The following SDK1 variants were observed in gnomAD, a reference collection of about 807,000 sequenced individuals.
SDK1 encodes the protein protein sidekick-1.
A neutral mutation model predicts 245.5 loss-of-function variants in SDK1; 157 were observed. The observed-to-expected ratio is 0.64, with a 90% confidence interval of 0.56 to 0.73. SDK1 has a LOEUF of 0.73. Ranked by LOEUF, SDK1 falls within the 30% of genes least tolerant of loss-of-function variation. The pLI, the probability that SDK1 is intolerant of heterozygous loss-of-function variation, is 0.00. For synonymous variants in SDK1, 1,647 were observed against 1,278.5 expected, an observed-to-expected ratio of 1.29 and a Z score of -6.15; for missense variants, 3,583 against 3,002.3, an observed-to-expected ratio of 1.19 and a Z score of -4.52.
rs570610265 is a variant in SDK1 at position 3,998,420 on chromosome 7, G to A, written c.2131+11098G>A. Among the ~76,000 whole-genome samples the A allele has an allele frequency of 3.9e-4, 59 of 152,258 alleles. 1 individual carries two copies. Among genetic ancestry groups the A allele is most frequent in the Middle Eastern group, 6.8e-3 (2 of 294 alleles). On this transcript the variant is annotated intron_variant, in intron 14 of 44. Transcript: ENST00000404826. ...CATTCCTTCCATTCCCACTTCTTAGGATTTTTTAAAATTATGTAGGAAAAT... is the reference window on the plus strand; with the variant it reads ...CATTCCTTCCATTCCCACTTCTTAGAATTTTTTAAAATTATGTAGGAAAAT...
intron 44 of SDK1, among the ~76,000 whole-genome samples, chr7:4,250,166 G>T (rs1445333255): frequency 6.6e-6 from 1 of 152,102 alleles, no homozygotes; most frequent in Non-Finnish European, 1.5e-5. Context: ...TTTGTGACTG[G>T]CTTCTTTCCC....
chr7:3,851,794 G>A (rs1008040283), intron 5 of SDK1, among the ~76,000 whole-genome samples: 3 of 152,068 alleles, frequency 2.0e-5, no homozygotes, highest in Non-Finnish European at 2.9e-5. Flanking sequence ...GAAGCTAAGC[G>A]GCTAAATAGC....
chr7:3,862,138 C>G (rs369628049), intron 5 of SDK1, among the ~76,000 whole-genome samples: 3 of 152,240 alleles, frequency 2.0e-5, no homozygotes, highest in Non-Finnish European at 2.9e-5. Context: ...CATCTACTTA[C>G]GCAATGCTTA....
chr7:4,187,946 G>A (rs1379890549), intron 35 of SDK1, among the ~76,000 whole-genome samples: 2 of 145,500 alleles, frequency 1.4e-5, no homozygotes, highest in Non-Finnish European at 3.1e-5. Flanking sequence ...CCAGTTCCAC[G>A]TGGCTGGGGA....
chr7:3,685,590 G>C (rs1334226181), intron 4 of SDK1, among the ~76,000 whole-genome samples: 1 of 152,180 alleles, frequency 6.6e-6, no homozygotes, highest in African/African-American at 2.4e-5. Flanking sequence ...ATATGTGATG[G>C]TTGATGCAAA....
At chr7:3,616,096 C>G (rs904329270) in intron 1 of SDK1, among the ~76,000 whole-genome samples, 1 of 152,064 alleles carries the variant, frequency 6.6e-6, no homozygotes, top group Non-Finnish European at 1.5e-5. Flanking sequence ...CTGTGTTGTC[C>G]AAGCTGGTCT....
At chr7:3,449,611 A>G (rs758026803) in intron 1 of SDK1, among the ~76,000 whole-genome samples, 9 of 152,372 alleles carry the variant, frequency 5.9e-5, no homozygotes, top group Non-Finnish European at 1.2e-4. Flanking sequence ...CAGGAAGGCC[A>G]TAAGGAAATA....
chr7:3,513,837 T>C (rs996464744), intron 1 of SDK1, among the ~76,000 whole-genome samples: 35 of 152,112 alleles, frequency 2.3e-4, no homozygotes, highest in African/African-American at 7.7e-4. Flanking sequence ...TTTATATCCA[T>C]GTGTACTCAG....
chr7:3,369,483 G>C (rs943821733), intron 1 of SDK1, among the ~76,000 whole-genome samples: 4 of 152,124 alleles, frequency 2.6e-5, no homozygotes, highest in African/African-American at 9.7e-5. Context: ...GCCTGTTATA[G>C]GGCAAGCTTG....
At chr7:3,694,104 A>G (rs1199500557) in intron 4 of SDK1, among the ~76,000 whole-genome samples, 6 of 152,188 alleles carry the variant, frequency 3.9e-5, no homozygotes, top group East Asian at 1.9e-4. Flanking sequence ...AGTGTGCCCG[A>G]TTGGAAGGCA....
chr7:3,506,111 C>G (rs1782383446), intron 1 of SDK1, among the ~76,000 whole-genome samples: 1 of 151,992 alleles, frequency 6.6e-6, no homozygotes, highest in South Asian at 2.1e-4. Flanking sequence ...TTTCATCTGA[C>G]AACACTTTCT....
chr7:4,124,005 C>T (rs894992759), intron 25 of SDK1, among the ~76,000 whole-genome samples: 2 of 152,186 alleles, frequency 1.3e-5, no homozygotes, highest in African/African-American at 2.4e-5. Flanking sequence ...GTGAGGGTTG[C>T]GGTGAGGCCA....
chr7:3,460,895 C>G (rs1053833766), intron 1 of SDK1, among the ~76,000 whole-genome samples: 2 of 152,146 alleles, frequency 1.3e-5, no homozygotes, highest in African/African-American at 4.8e-5. Context: ...AGACTAGATT[C>G]TTGACTAAAT....
chr7:3,358,542 C>T (rs1780870044), intron 1 of SDK1, among the ~76,000 whole-genome samples: 1 of 151,888 alleles, frequency 6.6e-6, no homozygotes, highest in Non-Finnish European at 1.5e-5. Context: ...GCCATCATTA[C>T]ATTGTTCACG....
At chr7:3,764,774 A>G (rs555984130) in intron 4 of SDK1, among the ~76,000 whole-genome samples, 1 of 152,336 alleles carries the variant, frequency 6.6e-6, no homozygotes, top group East Asian at 1.9e-4. Context: ...TAAAGGAGAC[A>G]TAAAAGTAAT....
chr7:3,311,205 A>G (rs1779541801), intron 1 of SDK1, among the ~76,000 whole-genome samples: 1 of 152,126 alleles, frequency 6.6e-6, no homozygotes, highest in African/African-American at 2.4e-5. Flanking sequence ...GAGTAGAGTG[A>G]TGGAGATGAG....
chr7:4,147,927 C>T (rs1444101429), intron 29 of SDK1, among the ~76,000 whole-genome samples: 1 of 152,204 alleles, frequency 6.6e-6, no homozygotes, highest in African/African-American at 2.4e-5. Context: ...GACACGGTCT[C>T]ACAGCAGGTC....
intron 39 of SDK1, among the ~76,000 whole-genome samples, chr7:4,220,482 A>G (rs1249784197): frequency 1.3e-5 from 2 of 148,400 alleles, no homozygotes; most frequent in Non-Finnish European, 3.0e-5. Context: ...CCATGGGCAC[A>G]TTGTTAAATA....
At chr7:3,648,498 G>T (rs925690714) in intron 4 of SDK1, among the ~76,000 whole-genome samples, 3 of 152,212 alleles carry the variant, frequency 2.0e-5, no homozygotes, top group African/African-American at 7.2e-5. Context: ...AGTATGGGCA[G>T]TAAACAGCAT....
Sources: gnomAD v4.1 joint callset for allele counts (sites outside exome capture counted in the v4.1 genomes callset) on GRCh38, gnomAD v4.1.1 for gene constraint, MANE v1.5 for transcripts, NCBI Gene and HGNC (gene_info 2026-07-23, HGNC 2026-07-21) for gene names.